Variants in GALNTL6 observed in about 807,000 individuals in gnomAD.
The protein encoded by GALNTL6 is polypeptide N-acetylgalactosaminyltransferase like 6, also known as polypeptide N-acetylgalactosaminyltransferase-like 6.
In GALNTL6, 46 loss-of-function variants were observed where a neutral mutation model predicts 73.7. That is an observed-to-expected ratio of 0.62 (90% CI 0.49 to 0.80). The LOEUF (loss-of-function observed/expected upper bound fraction) is 0.80, where lower values mean the gene tolerates loss of function less well. Among genes scored for constraint, GALNTL6 ranks in the 30% least tolerant of loss-of-function variants. The pLI is 0.00. For synonymous variants in GALNTL6, 259 were observed against 263.7 expected (o/e 0.98, Z 0.17); for missense variants, 604 against 755.0 (o/e 0.80, Z 2.34).
rs114649697 is a variant in GALNTL6 at position 172,883,112 on chromosome 4, G to A, written c.1041+205G>A. ...ATATACAATCATTATACATATTTGT[G>A]GGGTACATGTGAAATTTTGAAACAT... On this transcript the variant is annotated intron_variant, in intron 8 of 12. Coordinates refer to ENST00000506823, the MANE Select transcript of GALNTL6 (RefSeq NM_001034845.3). 3.3e-3 allele frequency among the ~76,000 whole-genome samples: 508 copies of A among 152,002 alleles called. 2 individuals carry two copies. Among genetic ancestry groups the A allele is most frequent in the African/African-American group, 0.012 (484 of 41,438 alleles).
At chr4:172,786,087 G>C (rs1405513919) in intron 5 of GALNTL6, among the ~76,000 whole-genome samples, 4 of 151,874 alleles carry the variant, frequency 2.6e-5, no homozygotes, top group Non-Finnish European at 5.9e-5. Context: ...GGAAGAAAAA[G>C]GCAATGACTC....
At chr4:172,482,885 A>G (rs1311141441) in intron 5 of GALNTL6, among the ~76,000 whole-genome samples, 3 of 152,228 alleles carry the variant, frequency 2.0e-5, no homozygotes, top group African/African-American at 7.2e-5. Flanking sequence ...GAATTAATTC[A>G]TTTATAAAAA....
At chr4:171,883,414 T>C (rs1404445420) in intron 2 of GALNTL6, among the ~76,000 whole-genome samples, 1 of 152,104 alleles carries the variant, frequency 6.6e-6, no homozygotes, top group African/African-American at 2.4e-5. Context: ...AACATGTCTT[T>C]TTCAGTTCAT....
At chr4:172,200,023 G>A (rs963559266) in intron 2 of GALNTL6, among the ~76,000 whole-genome samples, 2 of 152,062 alleles carry the variant, frequency 1.3e-5, no homozygotes, top group Non-Finnish European at 2.9e-5. Flanking sequence ...ATATAGAGAA[G>A]CTAAGTAACT....
At chr4:172,079,420 A>G (rs1731809070) in intron 2 of GALNTL6, among the ~76,000 whole-genome samples, 1 of 152,046 alleles carries the variant, frequency 6.6e-6, no homozygotes, top group Non-Finnish European at 1.5e-5. Context: ...GCCTTTATGT[A>G]TATCTTTGAT....
At chr4:172,310,231 G>A (rs758244193) in intron 3 of GALNTL6, among the ~76,000 whole-genome samples, 1 of 151,856 alleles carries the variant, frequency 6.6e-6, no homozygotes, top group Non-Finnish European at 1.5e-5. Context: ...TTTGTACATA[G>A]CATTTTAAAG....
intron 5 of GALNTL6, among the ~76,000 whole-genome samples, chr4:172,437,920 A>G (rs551449466): frequency 1.3e-5 from 2 of 149,754 alleles, no homozygotes; most frequent in African/African-American, 4.9e-5. Context: ...AATGACAGAA[A>G]GGGTGGCAGA....
chr4:172,393,466 T>C (rs1743738689), intron 5 of GALNTL6, among the ~76,000 whole-genome samples: 1 of 152,094 alleles, frequency 6.6e-6, no homozygotes, highest in Non-Finnish European at 1.5e-5. Flanking sequence ...CTCCAACCAC[T>C]CTGAGTAGCA....
rs150235450 is a variant in GALNTL6 at position 172,256,809 on chromosome 4, A to C, written c.247+27045A>C. ...ATAGATGTTAATTAATAGATTGATT[A>C]GATAGAGTATTGCTTTCTTCACACT... On this transcript the variant is annotated intron_variant, in intron 3 of 12. Transcript: ENST00000506823. Among the ~76,000 whole-genome samples, 283 of 149,048 alleles carry C rather than the reference A, an allele frequency of 1.9e-3. 1 individual carries two copies. Among genetic ancestry groups the C allele is most frequent in the African/African-American group, 6.6e-3 (258 of 39,158 alleles).
At chr4:172,734,956 C>T (rs1036675683) in intron 5 of GALNTL6, among the ~76,000 whole-genome samples, 1 of 152,214 alleles carries the variant, frequency 6.6e-6, no homozygotes, top group African/African-American at 2.4e-5. Context: ...GTTTGGGAAC[C>T]TCTGACTAGA....
Position 171,907,220 on chromosome 4 carries a change from T to C in GALNTL6, c.138+92502T>C, listed in dbSNP as rs561380761. Among the ~76,000 whole-genome samples, 73 of 152,278 alleles carry C rather than the reference T, an allele frequency of 4.8e-4. 1 individual carries two copies. The Middle Eastern group carries it at 0.014, about 28-fold the overall frequency. On this transcript the variant is annotated intron_variant, in intron 2 of 12. Transcript: ENST00000506823. ...AAGTCAAATTGTCCCAGTTTGCAGA[T>C]GACATGATTGTGTATCTAGAAAACC...
chr4:172,994,176 T>C (rs1027760527), intron 10 of GALNTL6, among the ~76,000 whole-genome samples: 6 of 152,240 alleles, frequency 3.9e-5, no homozygotes, highest in African/African-American at 1.4e-4. Context: ...TTGTATAAGA[T>C]GGTGCCCTGG....
At chr4:172,158,092 G>A (rs187321846) in intron 2 of GALNTL6, among the ~76,000 whole-genome samples, 5 of 152,302 alleles carry the variant, frequency 3.3e-5, no homozygotes, top group African/African-American at 1.2e-4. Context: ...TCAATATGCT[G>A]TTGGCCAGAT....
intron 10 of GALNTL6, among the ~76,000 whole-genome samples, chr4:172,978,320 C>CAAAGGAAGA (rs1376003265): frequency 3.0e-4 from 46 of 152,114 alleles, no homozygotes; most frequent in African/African-American, 1.0e-3. Context: ...TTACTAATCA[C>CAAAGGAAGA]AAAGGAAGAA....
chr4:172,269,903 C>T (rs991613752), intron 3 of GALNTL6, among the ~76,000 whole-genome samples: 3 of 152,132 alleles, frequency 2.0e-5, no homozygotes, highest in Admixed American at 6.6e-5. Context: ...GGGTGCCTGC[C>T]ACCATGGCCA....
At chr4:172,424,589 G>A (rs1731161758) in intron 5 of GALNTL6, among the ~76,000 whole-genome samples, 1 of 152,148 alleles carries the variant, frequency 6.6e-6, no homozygotes, top group Admixed American at 6.6e-5. Context: ...CAGTTCAGTG[G>A]GCGGAGGGTA....
chr4:172,252,713 G>A (rs1265154311), intron 3 of GALNTL6, among the ~76,000 whole-genome samples: 1 of 151,986 alleles, frequency 6.6e-6, no homozygotes, highest in African/African-American at 2.4e-5. Flanking sequence ...ATGGTCTTTT[G>A]TGAAACAAGG....
intron 2 of GALNTL6, among the ~76,000 whole-genome samples, chr4:172,198,094 G>C (rs1363039063): frequency 2.0e-5 from 3 of 152,042 alleles, no homozygotes; most frequent in African/African-American, 7.2e-5. Context: ...CTGAGCAACA[G>C]AGTGAGACTC....
intron 5 of GALNTL6, among the ~76,000 whole-genome samples, chr4:172,581,547 C>G (rs1459617390): frequency 1.3e-5 from 2 of 152,204 alleles, no homozygotes; most frequent in Non-Finnish European, 2.9e-5. Context: ...TCCCCCTATT[C>G]TATTCTTTCC....
Sources: allele counts gnomAD v4.1 joint callset (sites outside exome capture counted in the v4.1 genomes callset), GRCh38; gene constraint gnomAD v4.1.1; transcripts MANE v1.5; gene names NCBI Gene and HGNC (gene_info 2026-07-23, HGNC 2026-07-21).